DIP2B: variants seen among roughly 807,000 people sequenced by gnomAD.
DIP2B encodes disco-interacting protein 2 homolog B.
DIP2B carries 76 observed loss-of-function variants against 198.0 expected under a neutral mutation model. The ratio of observed to expected loss-of-function variants is 0.38; its 90% CI spans 0.32 to 0.46. The LOEUF is 0.46. Among genes scored for constraint, DIP2B ranks in the 20% least tolerant of loss-of-function variants. DIP2B has a pLI of 0.99. For synonymous variants in DIP2B, 701 were observed against 739.1 expected (o/e 0.95, Z 0.84); for missense variants, 1,559 against 1,978.4 (o/e 0.79, Z 4.02).
intron 1 of DIP2B, among the ~76,000 whole-genome samples, chr12:50,564,502 G>A (rs1028929335): frequency 1.3e-5 from 2 of 152,034 alleles, no homozygotes; most frequent in African/African-American, 4.8e-5. Flanking sequence ...CTTTCTAATT[G>A]TTGTCTATCT....
chr12:50,547,659 A>C (rs1388922065), intron 1 of DIP2B, among the ~76,000 whole-genome samples: 1 of 152,242 alleles, frequency 6.6e-6, no homozygotes, highest in African/African-American at 2.4e-5. Flanking sequence ...TGCTAAAAAA[A>C]ATAAGTCTAC....
At position 50,727,639 on chromosome 12, in the gene DIP2B, A is replaced by T; in HGVS notation, c.3401-64A>T. 9 of 1,473,018 alleles carry T rather than the reference A, an allele frequency of 6.1e-6. No individual in the cohort carries two copies. The South Asian group carries it at 1.0e-4, about 17-fold the overall frequency. The allele number at this position is 1,473,018 out of a possible 1,614,324, so 91.2% of individuals were successfully genotyped here. On this transcript the variant is annotated intron_variant, in intron 28 of 37. Transcript: ENST00000301180. ...AAATTTGGCCATAGCAAAGCCACAG[A>T]AGAGCAATGATTTTCATGTTCCAGC...
chr12:50,508,770 A>G (rs1957989682), intron 1 of DIP2B, among the ~76,000 whole-genome samples: 1 of 150,828 alleles, frequency 6.6e-6, no homozygotes, highest in South Asian at 2.1e-4. Context: ...AAATGGTGCG[A>G]TCTCAGCTCA....
chr12:50,658,187 A>T (rs531792197), intron 3 of DIP2B, among the ~76,000 whole-genome samples: 1 of 152,040 alleles, frequency 6.6e-6, no homozygotes, highest in African/African-American at 2.4e-5. Context: ...CCCAGGCTGG[A>T]GTACAATGGT....
chr12:50,568,455 T>C (rs767871759), intron 1 of DIP2B, among the ~76,000 whole-genome samples: 1 of 152,232 alleles, frequency 6.6e-6, no homozygotes, highest in African/African-American at 2.4e-5. Context: ...ACTTTTTGGC[T>C]TGCCTGGCTC....
chr12:50,526,546 CTG>C lies in DIP2B; in HGVS notation c.100+21309_100+21310del, dbSNP rs961486969. Among the ~76,000 whole-genome samples the C allele has an allele frequency of 8.0e-5, 12 of 150,850 alleles. No individual in the cohort carries two copies. The Middle Eastern group carries it at 0.01, about 132-fold the overall frequency. The stretch of plus-strand genomic sequence containing the variant: ...TTGGGTGAGAGCTGGAGCCACGCCA[CTG>C]TGCTCCCTGAACAGGAGGCAGACAC... On this transcript the variant is annotated intron_variant, in intron 1 of 37. Transcript: ENST00000301180.
At chr12:50,741,383 C>T (rs754281284) in intron 36 of DIP2B, 33 bp from the exon 37 acceptor site, 9 of 1,606,922 alleles carry the variant, frequency 5.6e-6, no homozygotes, top group East Asian at 2.2e-5. Context: ...AGTATATGTC[C>T]AAGCCACATT....
chr12:50,695,102 T>G (rs927494960), intron 14 of DIP2B, among the ~76,000 whole-genome samples, 165 bp from the exon 15 acceptor site: 45 of 152,266 alleles, frequency 3.0e-4, no homozygotes, highest in Non-Finnish European at 4.4e-4. Flanking sequence ...AGGGTAGGTA[T>G]TAAAGGAACT....
intron 1 of DIP2B, among the ~76,000 whole-genome samples, chr12:50,546,513 A>G (rs1459350156): frequency 6.6e-6 from 1 of 152,224 alleles, no homozygotes; most frequent in African/African-American, 2.4e-5. Context: ...TAAGTGAAGC[A>G]GAGTGAAGAA....
intron 1 of DIP2B, among the ~76,000 whole-genome samples, chr12:50,516,684 T>A (rs537553746): frequency 1.3e-5 from 2 of 152,204 alleles, no homozygotes; most frequent in South Asian, 4.1e-4. Context: ...TCTAAAAATA[T>A]TTTGTTTTGG....
intron 1 of DIP2B, among the ~76,000 whole-genome samples, chr12:50,605,978 T>A (rs755850587): frequency 2.9e-4 from 44 of 152,276 alleles, no homozygotes; most frequent in South Asian, 8.3e-4. Flanking sequence ...TGTGCCACCA[T>A]GCCCGGCTAC....
At chr12:50,527,095 C>T (rs1958173476) in intron 1 of DIP2B, among the ~76,000 whole-genome samples, 1 of 152,226 alleles carries the variant, frequency 6.6e-6, no homozygotes, top group Non-Finnish European at 1.5e-5. Flanking sequence ...GAATATTTCA[C>T]ATGCCTGGTT....
At chr12:50,519,072 G>T (rs1472265900) in intron 1 of DIP2B, among the ~76,000 whole-genome samples, 6 of 151,988 alleles carry the variant, frequency 3.9e-5, no homozygotes, top group Non-Finnish European at 1.5e-5. Context: ...TTTTTGGGGG[G>T]TAGGGCTCCC....
chr12:50,689,572 C>T (rs1052423066), intron 12 of DIP2B, among the ~76,000 whole-genome samples: 1 of 152,098 alleles, frequency 6.6e-6, no homozygotes, highest in African/African-American at 2.4e-5. Context: ...TGGCAGCATC[C>T]TTCACTAAGA....
chr12:50,668,520 C>T lies in DIP2B; in HGVS notation c.428-2666C>T, dbSNP rs1938795140. ...GGGTAACTGAATTGAAACAATACAC[C>T]TAATTGCATAATTGATCCAATATAG... On this transcript the variant is annotated intron_variant, in intron 4 of 37. Transcript: ENST00000301180. 3.3e-5 allele frequency among the ~76,000 whole-genome samples: 5 copies of T among 152,156 alleles called. No homozygotes were observed. In the South Asian group the frequency reaches 1.0e-3, roughly 32 times the overall value.
intron 26 of DIP2B, 130 bp downstream of exon 26, chr12:50,721,526 A>C: frequency 7.1e-7 from 1 of 1,399,048 alleles, no homozygotes; most frequent in South Asian, 1.4e-5. Context: ...TTAGAAGACC[A>C]TGCACACAGG....
At chr12:50,545,344 C>T (rs1331336205) in intron 1 of DIP2B, among the ~76,000 whole-genome samples, 2 of 146,756 alleles carry the variant, frequency 1.4e-5, no homozygotes, top group Non-Finnish European at 3.0e-5. Flanking sequence ...CCCTCCCTCC[C>T]TCCTTCTTTC....
intron 1 of DIP2B, among the ~76,000 whole-genome samples, chr12:50,515,810 A>G (rs1027980768): frequency 3.3e-5 from 5 of 152,146 alleles, no homozygotes; most frequent in African/African-American, 9.6e-5. Context: ...TAGACATTCC[A>G]TTGGTTCCCC....
rs537170526 is a variant in DIP2B, at chr12:50,509,868, G to T, written c.100+4628G>T. Among the ~76,000 whole-genome samples, 4 of 152,296 alleles carry T rather than the reference G, an allele frequency of 2.6e-5. No homozygotes were observed. In the East Asian group the frequency reaches 7.7e-4, roughly 29 times the overall value. Reference sequence around the variant, plus strand: ...TTATCAAAGTTCTGTCTAAGCAGTTGTAACATCTGATGCTAGGAGTATTAA... The same window carrying T: ...TTATCAAAGTTCTGTCTAAGCAGTTTTAACATCTGATGCTAGGAGTATTAA... On this transcript the variant is annotated intron_variant, in intron 1 of 37. Transcript: ENST00000301180.
Sources: gnomAD v4.1 joint callset for allele counts (sites outside exome capture counted in the v4.1 genomes callset) on GRCh38, gnomAD v4.1.1 for gene constraint, MANE v1.5 for transcripts, NCBI Gene and HGNC (gene_info 2026-07-23, HGNC 2026-07-21) for gene names.